The following RGS7 variants were observed in gnomAD, a reference collection of about 807,000 sequenced individuals.
RGS7 encodes the protein regulator of G-protein signaling 7.
RGS7 carries 27 observed loss-of-function variants against 81.1 expected under a neutral mutation model. The observed-to-expected ratio is 0.33, with a 90% confidence interval of 0.25 to 0.46. RGS7 has a LOEUF of 0.46. Ranked by LOEUF, RGS7 falls within the 20% of genes least tolerant of loss-of-function variation. The probability of loss-of-function intolerance (pLI) is 1.00; values close to 1 mark genes in which losing one functional copy is unlikely to be tolerated. For missense variants in RGS7, 396 were observed against 607.4 expected (o/e 0.65, Z 3.66); for synonymous variants, 208 against 207.7 (o/e 1.00, Z -0.01).
chr1:240,954,699 G>A (rs1680077143), intron 4 of RGS7, among the ~76,000 whole-genome samples: 1 of 152,142 alleles, frequency 6.6e-6, no homozygotes, highest in Non-Finnish European at 1.5e-5. Context: ...TAAGGCAAGA[G>A]TGTCCTCTTT....
At position 241,227,111 on chromosome 1, in the gene RGS7, T is replaced by G. The variant is rs561047309; in HGVS notation, c.79-128349A>C. ...CTCCAAGGACCTTAAAATTCACTTA[T>G]GTCAAGAGGGGAAAAGGAGGAATCT... On this transcript the variant is annotated intron_variant, in intron 2 of 18. Transcript: ENST00000440928. Among the ~76,000 whole-genome samples, 4 of 152,298 alleles carry G rather than the reference T, an allele frequency of 2.6e-5. No homozygotes were observed. In the East Asian group the frequency reaches 7.7e-4, roughly 29 times the overall value.
intron 18 of RGS7, among the ~76,000 whole-genome samples, chr1:240,790,772 C>A (rs189599447): frequency 6.6e-6 from 1 of 152,180 alleles, no homozygotes; most frequent in East Asian, 1.9e-4. Context: ...GGGGATTGGA[C>A]CCAGGGAAAT....
chr1:240,941,930 T>G (rs1228068975), intron 4 of RGS7, among the ~76,000 whole-genome samples: 1 of 151,522 alleles, frequency 6.6e-6, no homozygotes, highest in Non-Finnish European at 1.5e-5. Flanking sequence ...ATTAATCTTC[T>G]CGTACATGTG....
intron 6 of RGS7, among the ~76,000 whole-genome samples, chr1:240,913,518 A>G (rs1454200306): frequency 6.6e-6 from 1 of 152,220 alleles, no homozygotes; most frequent in Non-Finnish European, 1.5e-5. Context: ...GTTCCTTTTA[A>G]TAAATAATCT....
intron 6 of RGS7, among the ~76,000 whole-genome samples, chr1:240,877,344 T>A (rs1023330739): frequency 4.8e-4 from 72 of 150,112 alleles, no homozygotes; most frequent in African/African-American, 1.1e-3. Context: ...ACAGAAAAAA[T>A]ATATAAAGTA....
chr1:241,010,039 T>C (rs1572245956), intron 3 of RGS7, among the ~76,000 whole-genome samples: 1 of 151,670 alleles, frequency 6.6e-6, no homozygotes, highest in Non-Finnish European at 1.5e-5. Flanking sequence ...TGTCAGCGGG[T>C]GTGGGGCTGG....
At chr1:240,960,875 G>A (rs936473139) in intron 4 of RGS7, among the ~76,000 whole-genome samples, 1 of 152,158 alleles carries the variant, frequency 6.6e-6, no homozygotes, top group East Asian at 1.9e-4. Context: ...CATTAAAAAT[G>A]TTACTAATGA....
intron 4 of RGS7, among the ~76,000 whole-genome samples, chr1:240,938,996 G>GTCTTCTGT (rs1459981756): frequency 2.6e-5 from 4 of 152,132 alleles, no homozygotes; most frequent in Non-Finnish European, 4.4e-5. Flanking sequence ...GACACCCACT[G>GTCTTCTGT]TCTTCTGTTA....
At chr1:240,969,873 T>G (rs2148504673) in intron 4 of RGS7, among the ~76,000 whole-genome samples, 1 of 152,346 alleles carries the variant, frequency 6.6e-6, no homozygotes, top group South Asian at 2.1e-4. Flanking sequence ...CCTGGAGCAG[T>G]GTTCATGCTT....
At chr1:241,011,848 G>GAT (rs61553011) in intron 3 of RGS7, among the ~76,000 whole-genome samples, 1,972 of 151,362 alleles carry the variant, frequency 0.013, 21 homozygotes, top group African/African-American at 0.031. Context: ...ATGATCTTTT[G>GAT]ATATATATAT....
intron 3 of RGS7, among the ~76,000 whole-genome samples, chr1:241,050,156 C>A (rs778598867): frequency 6.6e-6 from 1 of 152,166 alleles, no homozygotes; most frequent in Non-Finnish European, 1.5e-5. Flanking sequence ...AGAACGTGAT[C>A]CCATTATCAA....
At chr1:240,894,882 G>A (rs1668796184) in intron 6 of RGS7, among the ~76,000 whole-genome samples, 1 of 152,062 alleles carries the variant, frequency 6.6e-6, no homozygotes, top group African/African-American at 2.4e-5. Flanking sequence ...ATATTCTATA[G>A]CAATTTTAGC....
chr1:240,808,552 A>T (rs1689282814), intron 14 of RGS7, among the ~76,000 whole-genome samples: 1 of 152,198 alleles, frequency 6.6e-6, no homozygotes, highest in African/African-American at 2.4e-5. Flanking sequence ...TATGAAGATT[A>T]AGTTGCTTAT....
At chr1:241,082,330 A>G (rs2063181003) in intron 3 of RGS7, among the ~76,000 whole-genome samples, 1 of 152,246 alleles carries the variant, frequency 6.6e-6, no homozygotes. Flanking sequence ...CAGAAGCAGC[A>G]CCACAAGCGA....
intron 3 of RGS7, among the ~76,000 whole-genome samples, chr1:241,013,449 T>C (rs1252347346): frequency 6.6e-6 from 1 of 152,210 alleles, no homozygotes; most frequent in African/African-American, 2.4e-5. Flanking sequence ...TTTCTTCCTG[T>C]GACTATGTCT....
chr1:240,933,028 C>G (rs1183711969), intron 5 of RGS7, among the ~76,000 whole-genome samples: 2 of 148,734 alleles, frequency 1.3e-5, no homozygotes, highest in Admixed American at 6.7e-5. Flanking sequence ...GGACTACAGG[C>G]GCCCGCACCA....
At chr1:241,350,290 C>G (rs1418439170) in intron 2 of RGS7, among the ~76,000 whole-genome samples, 1 of 152,140 alleles carries the variant, frequency 6.6e-6, no homozygotes, top group Non-Finnish European at 1.5e-5. Flanking sequence ...ATTAGTATCA[C>G]TGAGATAAAA....
At chr1:241,123,726 G>A (rs2066455008) in intron 2 of RGS7, among the ~76,000 whole-genome samples, 2 of 152,198 alleles carry the variant, frequency 1.3e-5, no homozygotes, top group African/African-American at 2.4e-5. Context: ...ACTCCAGCCT[G>A]AGCAACGAGA....
At chr1:241,308,135 G>A (rs2080287124) in intron 2 of RGS7, among the ~76,000 whole-genome samples, 1 of 151,806 alleles carries the variant, frequency 6.6e-6, no homozygotes, top group African/African-American at 2.4e-5. Flanking sequence ...AGGCTTTGCT[G>A]TTGCTAGGGA....
Sources: gnomAD v4.1 joint callset for allele counts (sites outside exome capture counted in the v4.1 genomes callset) on GRCh38, gnomAD v4.1.1 for gene constraint, MANE v1.5 for transcripts, NCBI Gene and HGNC (gene_info 2026-07-23, HGNC 2026-07-21) for gene names.